The following AKT3 variants were observed in gnomAD, a reference collection of about 807,000 sequenced individuals.
The protein encoded by AKT3 is RAC-gamma serine/threonine-protein kinase.
In AKT3, 15 loss-of-function variants were observed where a neutral mutation model predicts 65.3. That is an observed-to-expected ratio of 0.23 (90% CI 0.15 to 0.35). AKT3 has a LOEUF of 0.35. Ranked by LOEUF, AKT3 falls within the 10% of genes least tolerant of loss-of-function variation. AKT3 has a pLI of 1.00. For synonymous variants in AKT3, 206 were observed against 183.8 expected (o/e 1.12, Z -0.98); for missense variants, 243 against 576.5 (o/e 0.42, Z 5.92).
intron 2 of AKT3, among the ~76,000 whole-genome samples, chr1:243,752,670 A>T (rs574378534): frequency 1.3e-5 from 2 of 152,336 alleles, no homozygotes; most frequent in African/African-American, 2.4e-5. Flanking sequence ...CTTTGCAGGT[A>T]GTCCCTTGGT....
intron 5 of AKT3, among the ~76,000 whole-genome samples, chr1:243,639,071 T>C (rs1373731039): frequency 1.3e-5 from 2 of 152,110 alleles, no homozygotes; most frequent in Non-Finnish European, 2.9e-5. Context: ...CTACAGATAT[T>C]AAAAGAAACG....
chr1:243,504,926 G>T lies in AKT3; in HGVS notation c.*323C>A, dbSNP rs1183533663. The T allele has an allele frequency of 9.7e-6, 3 of 309,200 alleles. No individual in the cohort carries two copies. Among genetic ancestry groups the T allele is most frequent in the Non-Finnish European group, 1.8e-5 (3 of 168,900 alleles). 19.2% of individuals were successfully genotyped at this position (309,200 alleles called of 1,614,324 possible). On this transcript the variant is annotated 3_prime_UTR_variant, in exon 14 of 14. Transcript: ENST00000673466. Reference sequence around the variant, plus strand: ...CTAAAAGATCAAAAGATGATAATTGGTGCACAAATGAACAATGGTGGGCTC... The same window carrying T: ...CTAAAAGATCAAAAGATGATAATTGTTGCACAAATGAACAATGGTGGGCTC...
intron 2 of AKT3, among the ~76,000 whole-genome samples, chr1:243,751,091 T>C (rs549619239): frequency 2.6e-5 from 4 of 152,280 alleles, no homozygotes; most frequent in African/African-American, 7.2e-5. Flanking sequence ...AACTGCTCTA[T>C]AATTTGTCAC....
intron 2 of AKT3, among the ~76,000 whole-genome samples, chr1:243,797,243 G>GCT (rs961959279): frequency 6.6e-6 from 1 of 151,636 alleles, no homozygotes; most frequent in Non-Finnish European, 1.5e-5. Flanking sequence ...TCTATGCAAA[G>GCT]CTCTCTCTCT....
intron 10 of AKT3, 27 bp downstream of exon 10, chr1:243,563,693 T>C (rs780076519): frequency 1.9e-6 from 3 of 1,584,054 alleles, no homozygotes; most frequent in South Asian, 1.2e-5. Flanking sequence ...TCAATGTTAC[T>C]TTCCTATTAA....
chr1:243,794,980 TCTG>T (rs909308005), intron 2 of AKT3, among the ~76,000 whole-genome samples: 1 of 152,196 alleles, frequency 6.6e-6, no homozygotes, highest in African/African-American at 2.4e-5. Flanking sequence ...CTCATGGATT[TCTG>T]CTTTTATATG....
intron 10 of AKT3, among the ~76,000 whole-genome samples, chr1:243,554,949 G>A (rs1185838261): frequency 6.6e-6 from 1 of 151,842 alleles, no homozygotes; most frequent in African/African-American, 2.4e-5. Flanking sequence ...CATAAAAAAG[G>A]GGGGTTTTAT....
At chr1:243,546,275 A>G (rs1672671138) in intron 11 of AKT3, among the ~76,000 whole-genome samples, 1 of 152,176 alleles carries the variant, frequency 6.6e-6, no homozygotes, top group Admixed American at 6.5e-5. Flanking sequence ...TTTTCTTTAT[A>G]AATTATGCGG....
At chr1:243,827,380 C>T (rs1694238152) in intron 2 of AKT3, among the ~76,000 whole-genome samples, 1 of 152,152 alleles carries the variant, frequency 6.6e-6, no homozygotes, top group Admixed American at 6.5e-5. Flanking sequence ...CTATTAACCA[C>T]ATCAAATGAC....
chr1:243,668,129 A>G (rs1682924745), intron 3 of AKT3, among the ~76,000 whole-genome samples: 1 of 152,166 alleles, frequency 6.6e-6, no homozygotes, highest in African/African-American at 2.4e-5. Flanking sequence ...TGTAAGCTCC[A>G]TTCATATATT....
chr1:243,757,152 T>C (rs1051142319), intron 2 of AKT3, among the ~76,000 whole-genome samples: 5 of 152,228 alleles, frequency 3.3e-5, no homozygotes, highest in South Asian at 2.1e-4. Flanking sequence ...ATCGAAAGAA[T>C]TGGCAAAATC....
At chr1:243,540,350 T>C (rs929829057) in intron 12 of AKT3, among the ~76,000 whole-genome samples, 1 of 152,170 alleles carries the variant, frequency 6.6e-6, no homozygotes, top group Non-Finnish European at 1.5e-5. Flanking sequence ...CATATGATCA[T>C]TGCAGTAAGT....
At chr1:243,831,920 C>T (rs965296065) in intron 2 of AKT3, among the ~76,000 whole-genome samples, 11 of 151,752 alleles carry the variant, frequency 7.2e-5, no homozygotes, top group African/African-American at 2.4e-4. Flanking sequence ...ATCTCAGGTA[C>T]TAATCCTGGC....
intron 2 of AKT3, among the ~76,000 whole-genome samples, chr1:243,841,464 G>A (rs770031013): frequency 5.9e-5 from 9 of 151,968 alleles, no homozygotes; most frequent in Non-Finnish European, 1.0e-4. Context: ...ATATAAATAC[G>A]TTTAAAAAGT....
chr1:243,570,245 A>G (rs1285042367), intron 9 of AKT3, among the ~76,000 whole-genome samples: 1 of 152,258 alleles, frequency 6.6e-6, no homozygotes, highest in African/African-American at 2.4e-5. Context: ...CTGTAGGCAT[A>G]GCAATTGGAT....
At chr1:243,506,320 C>CT (rs1458189911) in intron 13 of AKT3, among the ~76,000 whole-genome samples, 2 of 152,240 alleles carry the variant, frequency 1.3e-5, no homozygotes, top group African/African-American at 4.8e-5. Flanking sequence ...ATCAGTGAAT[C>CT]TTTCCAATAC....
chr1:243,704,776 C>T (rs751817585), intron 2 of AKT3, among the ~76,000 whole-genome samples: 3 of 152,244 alleles, frequency 2.0e-5, no homozygotes, highest in Non-Finnish European at 4.4e-5. Context: ...TAATAAATAA[C>T]ACATCTTTAC....
chr1:243,770,016 C>A (rs759479736), intron 2 of AKT3, among the ~76,000 whole-genome samples: 2 of 152,142 alleles, frequency 1.3e-5, no homozygotes, highest in Non-Finnish European at 2.9e-5. Context: ...CAAATTCATT[C>A]TTTTATATGT....
intron 3 of AKT3, among the ~76,000 whole-genome samples, chr1:243,682,258 A>AC (rs1265707319): frequency 6.6e-6 from 1 of 151,954 alleles, no homozygotes; most frequent in East Asian, 1.9e-4. Context: ...CTCCTACCCC[A>AC]CCCTCCACTT....
Sources: gnomAD v4.1 joint callset for allele counts (sites outside exome capture counted in the v4.1 genomes callset) on GRCh38, gnomAD v4.1.1 for gene constraint, MANE v1.5 for transcripts, NCBI Gene and HGNC (gene_info 2026-07-23, HGNC 2026-07-21) for gene names.